CELSR2: variants seen among roughly 807,000 people sequenced by gnomAD.
CELSR2 encodes the protein cadherin EGF LAG seven-pass G-type receptor 2.
A neutral mutation model predicts 251.6 loss-of-function variants in CELSR2; 81 were observed. The ratio of observed to expected loss-of-function variants is 0.32; its 90% CI spans 0.27 to 0.39. The LOEUF is 0.39. Ranked by LOEUF, CELSR2 falls within the 10% of genes least tolerant of loss-of-function variation. CELSR2 has a pLI of 1.00. For missense variants in CELSR2, 3,365 were observed against 3,947.7 expected (o/e 0.85, Z 3.96); for synonymous variants, 1,721 against 1,670.5 (o/e 1.03, Z -0.74).
intron 1 of CELSR2, among the ~76,000 whole-genome samples, chr1:109,255,223 G>C (rs1168692543): frequency 6.6e-6 from 1 of 152,174 alleles, no homozygotes; most frequent in Non-Finnish European, 1.5e-5. Context: ...CTGCCCCTTT[G>C]TTTTCCTCCT....
At chr1:109,255,896 A>G (rs1445246975) in intron 1 of CELSR2, among the ~76,000 whole-genome samples, 1 of 152,214 alleles carries the variant, frequency 6.6e-6, no homozygotes, top group East Asian at 1.9e-4. Flanking sequence ...ATGGGAAGCA[A>G]CAGAGACATG....
At position 109,250,150 on chromosome 1, in the gene CELSR2, T is replaced by TGCTGCC; in HGVS notation, c.74_79dup (p.Leu25_Pro26dup). 1 of 1,598,278 alleles carries TGCTGCC rather than the reference T, an allele frequency of 6.3e-7. No individual in the cohort carries two copies. Among genetic ancestry groups the TGCTGCC allele is most frequent in the Non-Finnish European group, 8.5e-7 (1 of 1,174,772 alleles). ...CCGCTGCTGCTGCTGTTGCTGCTGC[T>TGCTGCC]GCTGCCGCCGCCACTATTGGGAGAC... is the stretch of plus-strand genomic sequence containing the variant. On this transcript the variant is annotated inframe_insertion, in exon 1 of 34. Coordinates refer to ENST00000271332, the MANE Select transcript of CELSR2 (RefSeq NM_001408.3). This position sits in a 1 kb window ranked among gnomAD's most constrained non-coding sequence, Gnocchi z 4.4.
Position 109,250,129 on chromosome 1 carries a change from T to C in CELSR2, c.50T>C (p.Leu17Pro), listed in dbSNP as rs200277265. 404 of 857,538 alleles carry C rather than the reference T, an allele frequency of 4.7e-4. No individual in the cohort carries two copies. Among genetic ancestry groups the C allele is most frequent in the East Asian group, 2.3e-3 (77 of 34,042 alleles). 53.1% of individuals were successfully genotyped at this position (857,538 alleles called of 1,614,324 possible). ...GVPLPTPPPP[L>P]LLLLLLLLPP... ...CCCCTCCCAACGCCGCCGCCGCCGC[T>C]GCTGCTGCTGTTGCTGCTGCTGCTG... is the stretch of plus-strand genomic sequence containing the variant. The change falls in exon 1 of 34, where the codon CTG becomes CCG. Residue 17 changes from leucine to proline, a missense_variant. Physicochemically the swap from Leu to Pro is moderately conservative, Grantham distance 98 (BLOSUM62 -3). This residue lies in a region of CELSR2 where 704 missense variants were observed against 784.1 expected (regional missense o/e 0.90). Coordinates refer to ENST00000271332, the MANE Select transcript of CELSR2 (RefSeq NM_001408.3). This position sits in a 1 kb window ranked among gnomAD's most constrained non-coding sequence, Gnocchi z 4.4.
Position 109,250,139 on chromosome 1 carries a change from G to A in CELSR2, c.60G>A (p.Leu20=), listed in dbSNP as rs759336642. 2 of 1,596,874 alleles carry A rather than the reference G, an allele frequency of 1.3e-6. No individual in the cohort carries two copies. The highest frequency in any genetic ancestry group is 2.3e-5 in the East Asian group (1 of 43,404). The change falls in exon 1 of 34, where the codon CTG becomes CTA. Residue 20 remains leucine, a synonymous_variant. Coordinates refer to ENST00000271332, the MANE Select transcript of CELSR2 (RefSeq NM_001408.3). This position sits in a 1 kb window ranked among gnomAD's most constrained non-coding sequence, Gnocchi z 4.4. ...CGCCGCCGCCGCCGCTGCTGCTGCT[G>A]TTGCTGCTGCTGCTGCCGCCGCCAC... ...LPTPPPPLLL[L]LLLLLPPPLL...
rs1235190336 is a variant in CELSR2, at chr1:109,270,196, C to G, written c.7308+63C>G. 2.0e-6 allele frequency: 3 copies of G among 1,520,390 alleles called. No individual in the cohort carries two copies. In the African/African-American group the frequency reaches 4.1e-5, roughly 21 times the overall value. The allele number at this position is 1,520,390 out of a possible 1,614,324, so 94.2% of individuals were successfully genotyped here. A position where few individuals can be genotyped will look rare whatever the true frequency, so the allele number is the denominator to read the frequency against. On this transcript the variant is annotated intron_variant, in intron 23 of 33. Coordinates refer to ENST00000271332, the MANE Select transcript of CELSR2 (RefSeq NM_001408.3). Reference sequence around the variant, plus strand: ...TCTCAGGCCGCCTCCCCAGCCCCCACTGGCAACCCCTGCTCCTGCACCATG... The same window carrying G: ...TCTCAGGCCGCCTCCCCAGCCCCCAGTGGCAACCCCTGCTCCTGCACCATG...
At position 109,263,143 on chromosome 1, in the gene CELSR2, C is replaced by A; in HGVS notation, c.4710C>A (p.Gly1570=). Residue 1570 remains glycine (G), a splice_region_variant and synonymous_variant, in exon 8 of 34, where the codon GGC becomes GGA. Coordinates refer to ENST00000271332, the MANE Select transcript of CELSR2 (RefSeq NM_001408.3). ...TGAGCTGCCTTCTCTCCATTCCAGG[C>A]TGCCCTGCCAAGAAGAACGTGTGTG... ...DFIANNGTVP[G]CPAKKNVCDS... is the part of the protein sequence containing the mutation. 6.3e-7 allele frequency: 1 copy of A among 1,596,874 alleles called. No homozygotes were observed. The highest frequency in any genetic ancestry group is 2.3e-5 in the East Asian group (1 of 44,316).
Position 109,273,549 on chromosome 1 carries a change from C to G in CELSR2, c.8623C>G (p.Arg2875Gly), listed in dbSNP as rs372843147. 1.3e-6 allele frequency: 2 copies of G among 1,580,880 alleles called. No homozygotes were observed. The highest frequency in any genetic ancestry group is 1.7e-6 in the Non-Finnish European group (2 of 1,163,958). ...GGGCTCCTCCGCTAGTGAGGGCAGCCGGGGAGGCCCCCCTCCCCGCCCACC... is the reference window on the plus strand; with the variant it reads ...GGGCTCCTCCGCTAGTGAGGGCAGCGGGGGAGGCCCCCCTCCCCGCCCACC... ...SRGSSASEGS[R>G]GGPPPRPPPR... The change falls in exon 33 of 34, where the codon CGG becomes GGG. Residue 2875 changes from arginine to glycine, a missense_variant. Around this residue, in one of 5 missense-constraint regions of CELSR2, gnomAD observed 2,093 missense variants for 2,382.8 expected, o/e 0.88. Coordinates refer to ENST00000271332, the MANE Select transcript of CELSR2 (RefSeq NM_001408.3).
Position 109,264,935 on chromosome 1 carries a change from C to T in CELSR2, c.5532C>T (p.Thr1844=), listed in dbSNP as rs1482933782. 12 of 1,614,024 alleles carry T rather than the reference C, an allele frequency of 7.4e-6. No homozygotes were observed. The highest frequency in any genetic ancestry group is 9.3e-6 in the Non-Finnish European group (11 of 1,180,030). Residue 1844 remains threonine, a synonymous_variant, in exon 12 of 34, where the codon ACC becomes ACT. Coordinates refer to ENST00000271332, the MANE Select transcript of CELSR2 (RefSeq NM_001408.3). ...LNPCEHQSVC[T]RKPSAPHGYT... The stretch of plus-strand genomic sequence containing the variant: ...CGTGTGAGCACCAGTCTGTGTGTAC[C>T]CGCAAGCCCAGTGCCCCCCATGGCT...
At chr1:109,255,347 C>T (rs568074727) in intron 1 of CELSR2, among the ~76,000 whole-genome samples, 18 of 152,354 alleles carry the variant, frequency 1.2e-4, no homozygotes, top group Non-Finnish European at 1.0e-4. Flanking sequence ...TCCCACTTGC[C>T]CATTGCTGGC....
At position 109,274,278 on chromosome 1, in the gene CELSR2, C is replaced by T; in HGVS notation, c.*229C>T. The T allele has an allele frequency of 9.8e-7, 1 of 1,018,296 alleles. No individual in the cohort carries two copies. Among genetic ancestry groups the T allele is most frequent in the South Asian group, 2.0e-5 (1 of 49,284 alleles). 63.1% of individuals were successfully genotyped at this position (1,018,296 alleles called of 1,614,324 possible). ...ATTCCCCTCACTGCACTTTGGACCCCTGGGGCCAACATCTCCAAGACAAAG... is the reference window on the plus strand; with the variant it reads ...ATTCCCCTCACTGCACTTTGGACCCTTGGGGCCAACATCTCCAAGACAAAG... On this transcript the variant is annotated 3_prime_UTR_variant, in exon 34 of 34. Transcript: ENST00000271332.
Position 109,250,697 on chromosome 1 carries a change from C to T in CELSR2, c.618C>T (p.Ile206=), listed in dbSNP as rs41279700. The change falls in exon 1 of 34, where the codon ATC becomes ATT. Residue 206 remains isoleucine, a synonymous_variant. Coordinates refer to ENST00000271332, the MANE Select transcript of CELSR2 (RefSeq NM_001408.3). The surrounding 1 kb of genome is among the most constrained non-coding windows in gnomAD (Gnocchi z 4.4). Reference sequence around the variant, plus strand: ...CCCCTGTTGCATCCCTGAGGGCCATCGACCCGGACGAGGGTGAGGCAGGTC... The same window carrying T: ...CCCCTGTTGCATCCCTGAGGGCCATTGACCCGGACGAGGGTGAGGCAGGTC... The part of the protein sequence containing the change: ...AGTPVASLRA[I]DPDEGEAGRL... 1.7e-3 allele frequency: 2,802 copies of T among 1,614,078 alleles called. 36 individuals are homozygous for T. The African/African-American group carries it at 0.03, about 17-fold the overall frequency.
chr1:109,256,851 G>A (rs1406651554), intron 1 of CELSR2, among the ~76,000 whole-genome samples: 1 of 152,130 alleles, frequency 6.6e-6, no homozygotes, highest in African/African-American at 2.4e-5. Context: ...GTAGAGACGG[G>A]GTTTCACCAT....
Position 109,250,131 on chromosome 1 carries a change from CTGCTGCTGTT to C in CELSR2, c.53_62del (p.Leu18ArgfsTer59). The C allele has an allele frequency of 1.9e-6, 3 of 1,593,882 alleles. No homozygotes were observed. The highest frequency in any genetic ancestry group is 2.6e-6 in the Non-Finnish European group (3 of 1,173,088). ...CCTCCCAACGCCGCCGCCGCCGCTG[CTGCTGCTGTT>C]GCTGCTGCTGCTGCCGCCGCCACTA... On this transcript the variant is annotated frameshift_variant, in exon 1 of 34. Coordinates refer to ENST00000271332, the MANE Select transcript of CELSR2 (RefSeq NM_001408.3). LOFTEE classifies it high-confidence loss of function. This position sits in a 1 kb window ranked among gnomAD's most constrained non-coding sequence, Gnocchi z 4.4.
chr1:109,263,040 AT>A (rs1553180532), intron 7 of CELSR2, 71 bp downstream of exon 7: 4 of 1,587,702 alleles, frequency 2.5e-6, no homozygotes, highest in Non-Finnish European at 3.4e-6. Context: ...TGGTGTGAGG[AT>A]GCCAGAATGG....
chr1:109,268,195 A>C, intron 17 of CELSR2, 135 bp downstream of exon 17: 1 of 1,329,428 alleles, frequency 7.5e-7, no homozygotes, highest in Non-Finnish European at 1.0e-6. Flanking sequence ...GGAGGCCTCC[A>C]TGAAACCCTG....
chr1:109,266,857 C>T (rs750853238), intron 15 of CELSR2, among the ~76,000 whole-genome samples: 10 of 151,028 alleles, frequency 6.6e-5, no homozygotes, highest in East Asian at 1.9e-4. Context: ...GTAGCTGGTA[C>T]TACAGGCGTG....
chr1:109,252,695 C>T lies in CELSR2; in HGVS notation c.2616C>T (p.Ile872=), dbSNP rs779256212. 39 of 1,613,904 alleles carry T rather than the reference C, an allele frequency of 2.4e-5. No individual in the cohort carries two copies. The highest frequency in any genetic ancestry group is 3.3e-4 in the Middle Eastern group (2 of 6,084). ...TTATTGTTGAGTCCACGTCAGGCAT[C>T]GTGCGAACGCTACGGAGGCTGGATC... ...GDFIVESTSG[I]VRTLRRLDRE... is the part of the protein sequence containing the mutation. The change falls in exon 1 of 34, where the codon ATC becomes ATT. Residue 872 remains isoleucine (I), a synonymous_variant. Coordinates refer to ENST00000271332, the MANE Select transcript of CELSR2 (RefSeq NM_001408.3). This position sits in a 1 kb window ranked among gnomAD's most constrained non-coding sequence, Gnocchi z 4.8.
Position 109,266,174 on chromosome 1 carries a change from C to T in CELSR2, c.5981C>T (p.Pro1994Leu), listed in dbSNP as rs1172772973. ...TGGCCCCGTACCCGCTTCGGGCTGC[C>T]TGCTGCTGCTCCCTGTCCCAAAGGC... ...IWWPRTRFGL[P>L]AAAPCPKGSF... The change falls in exon 15 of 34, where the codon CCT becomes CTT. Residue 1994 changes from proline (P) to leucine (L), a missense_variant. This residue lies in a region of CELSR2 where 2,093 missense variants were observed against 2,382.8 expected (regional missense o/e 0.88). Transcript: ENST00000271332. The T allele has an allele frequency of 1.9e-6, 3 of 1,614,142 alleles. No homozygotes were observed. Among genetic ancestry groups the T allele is most frequent in the Non-Finnish European group, 2.5e-6 (3 of 1,180,018 alleles).
chr1:109,273,248 T>G lies in CELSR2; in HGVS notation c.8421T>G (p.Pro2807=), dbSNP rs1656425603. 6.2e-7 allele frequency: 1 copy of G among 1,612,440 alleles called. No individual in the cohort carries two copies. The highest frequency in any genetic ancestry group is 1.1e-5 in the South Asian group (1 of 90,920). ...AAGAGAGTAGTGGCAACGGGGCCCC[T>G]GAGGAGCGGCTGCGGGAGAATGGAG... ...TAKESSGNGA[P]EERLRENGDA... is the part of the protein sequence containing the mutation. The change falls in exon 32 of 34, where the codon CCT becomes CCG. Residue 2807 remains proline (P), a synonymous_variant. Transcript: ENST00000271332.
Sources: gnomAD v4.1 joint callset for allele counts (sites outside exome capture counted in the v4.1 genomes callset) on GRCh38, gnomAD v4.1.1 for gene constraint, gnomAD v4.1.1 regional missense constraint, Gnocchi (gnomAD v3.1) non-coding constraint, MANE v1.5 for transcripts, NCBI Gene and HGNC (gene_info 2026-07-23, HGNC 2026-07-21) for gene names.